Variants in CNTNAP2 observed in about 807,000 individuals in gnomAD.
CNTNAP2 encodes the protein contactin-associated protein-like 2.
In CNTNAP2, 98 loss-of-function variants were observed where a neutral mutation model predicts 155.2. The observed-to-expected ratio is 0.63, with a 90% CI of 0.54 to 0.75. CNTNAP2 has a LOEUF of 0.75. Among genes scored for constraint, CNTNAP2 ranks in the 30% least tolerant of loss-of-function variants. CNTNAP2 has a pLI of 0.00. For missense variants in CNTNAP2, 1,727 were observed against 1,688.1 expected, an observed-to-expected ratio of 1.02 and a Z score of -0.40; for synonymous variants, 651 against 631.2, an observed-to-expected ratio of 1.03 and a Z score of -0.47.
At chr7:146,678,334 A>C (rs1221949936) in intron 1 of CNTNAP2, among the ~76,000 whole-genome samples, 1 of 152,086 alleles carries the variant, frequency 6.6e-6, no homozygotes, top group African/African-American at 2.4e-5. Flanking sequence ...TCAGCCTCCA[A>C]AAGTGCTGGA....
chr7:148,266,925 T>A (rs1005938539), intron 20 of CNTNAP2, 108 bp from the exon 21 acceptor site: 4 of 991,510 alleles, frequency 4.0e-6, no homozygotes, highest in Non-Finnish European at 6.5e-6. Flanking sequence ...TGAAATAAGA[T>A]ATCAGAAAAC....
At chr7:146,173,537 T>C (rs1163683427) in intron 1 of CNTNAP2, among the ~76,000 whole-genome samples, 1 of 152,146 alleles carries the variant, frequency 6.6e-6, no homozygotes, top group Non-Finnish European at 1.5e-5. Flanking sequence ...GGTATAAGGC[T>C]AAATTCAAAT....
At chr7:146,655,559 G>T (rs1299227777) in intron 1 of CNTNAP2, among the ~76,000 whole-genome samples, 2 of 151,368 alleles carry the variant, frequency 1.3e-5, no homozygotes, top group South Asian at 4.2e-4. Context: ...CCATTCTAAG[G>T]TGTACTTCAT....
At chr7:146,371,971 AG>A (rs1467586552) in intron 1 of CNTNAP2, among the ~76,000 whole-genome samples, 1 of 151,746 alleles carries the variant, frequency 6.6e-6, no homozygotes, top group Non-Finnish European at 1.5e-5. Flanking sequence ...AAAAAAAAAA[AG>A]AAAAAATTGC....
intron 18 of CNTNAP2, among the ~76,000 whole-genome samples, chr7:148,207,825 T>C (rs757413815): frequency 5.3e-5 from 8 of 152,166 alleles, no homozygotes; most frequent in Admixed American, 1.3e-4. Flanking sequence ...CATCACAGCG[T>C]GGTGGCTCAC....
chr7:147,897,291 C>G (rs73743374), intron 13 of CNTNAP2, among the ~76,000 whole-genome samples: 3,666 of 152,260 alleles, frequency 0.024, 60 homozygotes, highest in South Asian at 0.048. Flanking sequence ...ACTGATCACT[C>G]AAAGGAACAA....
At chr7:146,920,168 C>T (rs918566668) in intron 3 of CNTNAP2, among the ~76,000 whole-genome samples, 1 of 152,080 alleles carries the variant, frequency 6.6e-6, no homozygotes, top group African/African-American at 2.4e-5. Flanking sequence ...AAGCCCAGCA[C>T]TTTGGGAGGC....
intron 8 of CNTNAP2, among the ~76,000 whole-genome samples, chr7:147,268,336 C>T (rs1217278184): frequency 6.6e-6 from 1 of 152,032 alleles, no homozygotes; most frequent in African/African-American, 2.4e-5. Context: ...CTCTATGCAG[C>T]CATGAAAAAG....
chr7:147,587,013 A>G (rs1192278943), intron 12 of CNTNAP2, among the ~76,000 whole-genome samples: 1 of 152,316 alleles, frequency 6.6e-6, no homozygotes, highest in African/African-American at 2.4e-5. Context: ...TTGAGTAGAT[A>G]CTGGCAACCT....
intron 5 of CNTNAP2, among the ~76,000 whole-genome samples, chr7:147,119,699 C>T (rs1801062649): frequency 6.7e-6 from 1 of 149,902 alleles, no homozygotes; most frequent in Non-Finnish European, 1.5e-5. Context: ...GGGGCATTAG[C>T]ATACAAAGGG....
intron 1 of CNTNAP2, among the ~76,000 whole-genome samples, chr7:146,772,293 A>G (rs1802305803): frequency 6.6e-6 from 1 of 152,092 alleles, no homozygotes; most frequent in Non-Finnish European, 1.5e-5. Flanking sequence ...CATTGAGCAG[A>G]GACCTGTGAC....
chr7:147,374,453 C>T (rs893983718), intron 9 of CNTNAP2, among the ~76,000 whole-genome samples: 6 of 152,024 alleles, frequency 3.9e-5, no homozygotes, highest in African/African-American at 1.4e-4. Flanking sequence ...GAAATCGACA[C>T]TTGTGTTTTA....
intron 4 of CNTNAP2, among the ~76,000 whole-genome samples, chr7:147,090,941 C>T (rs1312257116): frequency 6.6e-6 from 1 of 151,980 alleles, no homozygotes; most frequent in African/African-American, 2.4e-5. Context: ...ATCCTGAATT[C>T]TTCCATTTAG....
At chr7:147,856,262 G>A (rs1195124231) in intron 13 of CNTNAP2, among the ~76,000 whole-genome samples, 4 of 152,104 alleles carry the variant, frequency 2.6e-5, no homozygotes, top group Non-Finnish European at 5.9e-5. Flanking sequence ...AAGGCCCAGA[G>A]CCCAGGCCAG....
chr7:146,947,419 T>TA (rs1797201920), intron 3 of CNTNAP2, among the ~76,000 whole-genome samples: 3 of 140,058 alleles, frequency 2.1e-5, no homozygotes, highest in African/African-American at 8.2e-5. Context: ...TCTATATATA[T>TA]ATATATATAT....
At chr7:146,620,711 A>G (rs929693890) in intron 1 of CNTNAP2, among the ~76,000 whole-genome samples, 14 of 152,188 alleles carry the variant, frequency 9.2e-5, no homozygotes, top group Admixed American at 7.2e-4. Flanking sequence ...ACAGAAAACA[A>G]TGTTTGATGA....
intron 6 of CNTNAP2, among the ~76,000 whole-genome samples, chr7:147,126,630 C>T (rs1250441268): frequency 1.3e-5 from 2 of 152,062 alleles, no homozygotes; most frequent in African/African-American, 2.4e-5. Context: ...TGCACCACCA[C>T]GCCCAGCTAA....
Position 147,249,621 on chromosome 7 carries a change from A to C in CNTNAP2, c.1349-50520A>C, listed in dbSNP as rs879152921. On this transcript the variant is annotated intron_variant, in intron 8 of 23. Transcript: ENST00000361727. Reference sequence around the variant, plus strand: ...ATTGGAGGTAAAAAAAAAAAAAAAAAAAAAGGTTTCAGCACCAATCTTCAA... The same window carrying C: ...ATTGGAGGTAAAAAAAAAAAAAAAACAAAAGGTTTCAGCACCAATCTTCAA... 1.4e-3 allele frequency among the ~76,000 whole-genome samples: 203 copies of C among 150,206 alleles called. 9 individuals carry two copies. Among genetic ancestry groups the C allele is most frequent in the Admixed American group, 1.0e-2 (150 of 15,034 alleles).
intron 1 of CNTNAP2, among the ~76,000 whole-genome samples, chr7:146,760,989 G>C (rs577433209): frequency 6.6e-6 from 1 of 152,226 alleles, no homozygotes; most frequent in Admixed American, 6.5e-5. Context: ...ATCCAATACA[G>C]ATTTGTTGAT....
Sources: gnomAD v4.1 joint callset for allele counts (sites outside exome capture counted in the v4.1 genomes callset) on GRCh38, gnomAD v4.1.1 for gene constraint, MANE v1.5 for transcripts, NCBI Gene and HGNC (gene_info 2026-07-23, HGNC 2026-07-21) for gene names.